The following ELMO1 variants were observed in gnomAD, a reference collection of about 807,000 sequenced individuals.
ELMO1 encodes the protein engulfment and cell motility protein 1.
In ELMO1, 26 loss-of-function variants were observed where a neutral mutation model predicts 98.9. The observed-to-expected ratio is 0.26, with a 90% CI of 0.19 to 0.36. The LOEUF is 0.36. Ranked by LOEUF, ELMO1 falls within the 10% of genes least tolerant of loss-of-function variation. The pLI is 1.00. For missense variants in ELMO1, 627 were observed against 935.2 expected, an observed-to-expected ratio of 0.67 and a Z score of 4.30; for synonymous variants, 346 against 346.0, an observed-to-expected ratio of 1.00 and a Z score of 0.00.
intron 19 of ELMO1, among the ~76,000 whole-genome samples, chr7:36,875,799 TA>T (rs1803912237): frequency 6.6e-6 from 1 of 152,170 alleles, no homozygotes; most frequent in Admixed American, 6.5e-5. Flanking sequence ...GAACTGCCCC[TA>T]CACAAGGCTT....
chr7:37,285,606 T>C (rs1797354161), intron 4 of ELMO1, among the ~76,000 whole-genome samples: 1 of 152,202 alleles, frequency 6.6e-6, no homozygotes, highest in Admixed American at 6.5e-5. Context: ...ATATAATGTG[T>C]GTTCATGCAC....
At chr7:36,895,481 A>C (rs867431225) in intron 16 of ELMO1, among the ~76,000 whole-genome samples, 1 of 151,726 alleles carries the variant, frequency 6.6e-6, no homozygotes, top group African/African-American at 2.4e-5. Flanking sequence ...AGATACTCAC[A>C]CTCCCCTCTC....
intron 14 of ELMO1, among the ~76,000 whole-genome samples, chr7:37,125,155 A>C (rs1234010178): frequency 1.3e-5 from 2 of 152,202 alleles, no homozygotes; most frequent in Admixed American, 6.5e-5. Flanking sequence ...TTAAAGACTT[A>C]AATGTTAGAC....
At chr7:37,300,736 TG>T (rs1309028802) in intron 4 of ELMO1, among the ~76,000 whole-genome samples, 2 of 145,408 alleles carry the variant, frequency 1.4e-5, no homozygotes, top group Non-Finnish European at 3.0e-5. Flanking sequence ...TTCTCTTTTT[TG>T]GTTGTGTCTC....
intron 7 of ELMO1, among the ~76,000 whole-genome samples, chr7:37,238,344 TA>T (rs2130666247): frequency 6.6e-6 from 1 of 152,358 alleles, no homozygotes; most frequent in South Asian, 2.1e-4. Flanking sequence ...GTGGAAATTT[TA>T]AAATGTCATT....
chr7:37,391,046 T>TC (rs1803052310), intron 1 of ELMO1, among the ~76,000 whole-genome samples: 1 of 148,198 alleles, frequency 6.7e-6, no homozygotes. Flanking sequence ...CTTCCTTCCT[T>TC]CCTTCCTTCC....
rs540455769 is a variant in ELMO1 at position 37,030,273 on chromosome 7, C to T, written c.1301-16838G>A. ...TATGTGAAATGCAAGTTGATACTCT[C>T]AGGCATTTTTGTTCCTATTCCTCAC... On this transcript the variant is annotated intron_variant, in intron 15 of 21. Coordinates refer to ENST00000310758, the MANE Select transcript of ELMO1 (RefSeq NM_014800.11). Among the ~76,000 whole-genome samples, 251 of 152,312 alleles carry T rather than the reference C, an allele frequency of 1.6e-3. 1 individual carries two copies. The highest frequency in any genetic ancestry group is 2.8e-3 in the Non-Finnish European group (191 of 68,014).
rs1785536980 is a variant in ELMO1, at chr7:37,115,585, T to C, written c.1191+17545A>G. ...AAAAAAACTCTCAGCAAACTAAGAATAGAGCAGTTCCTCAGCTACATAAAG... is the reference window on the plus strand; with the variant it reads ...AAAAAAACTCTCAGCAAACTAAGAACAGAGCAGTTCCTCAGCTACATAAAG... On this transcript the variant is annotated intron_variant, in intron 14 of 21. Transcript: ENST00000310758. 2.0e-5 allele frequency among the ~76,000 whole-genome samples: 3 copies of C among 152,212 alleles called. No individual in the cohort carries two copies. In the South Asian group the frequency reaches 6.2e-4, roughly 32 times the overall value.
chr7:37,308,474 C>T (rs1452838932), intron 4 of ELMO1, among the ~76,000 whole-genome samples: 1 of 152,222 alleles, frequency 6.6e-6, no homozygotes, highest in East Asian at 1.9e-4. Flanking sequence ...CCCATCTATC[C>T]TCCCTCCTTT....
intron 16 of ELMO1, among the ~76,000 whole-genome samples, chr7:36,988,930 C>A (rs75588582): frequency 6.6e-6 from 1 of 152,172 alleles, no homozygotes; most frequent in Non-Finnish European, 1.5e-5. Context: ...CAACATAACC[C>A]AAGATATATA....
intron 16 of ELMO1, among the ~76,000 whole-genome samples, chr7:36,901,745 G>A (rs1485509268): frequency 6.6e-6 from 1 of 152,094 alleles, no homozygotes; most frequent in African/African-American, 2.4e-5. Flanking sequence ...GTAGAGCATT[G>A]CACCCAATAT....
intron 14 of ELMO1, among the ~76,000 whole-genome samples, chr7:37,099,411 C>A (rs139611569): frequency 3.8e-3 from 584 of 152,314 alleles, no homozygotes; most frequent in Non-Finnish European, 6.5e-3. Flanking sequence ...TTTCAACATT[C>A]TGATATTAAC....
chr7:37,358,789 C>T (rs1335148545), intron 1 of ELMO1, among the ~76,000 whole-genome samples: 3 of 152,058 alleles, frequency 2.0e-5, no homozygotes, highest in South Asian at 4.1e-4. Context: ...GTGTTAAGCC[C>T]GGGCACAAGC....
At chr7:36,930,923 C>A (rs969912905) in intron 16 of ELMO1, among the ~76,000 whole-genome samples, 1 of 152,188 alleles carries the variant, frequency 6.6e-6, no homozygotes, top group South Asian at 2.1e-4. Context: ...TGAGAACATG[C>A]GCACCTTCAG....
At chr7:36,912,099 TC>T (rs2129067130) in intron 16 of ELMO1, among the ~76,000 whole-genome samples, 1 of 152,336 alleles carries the variant, frequency 6.6e-6, no homozygotes, top group Non-Finnish European at 1.5e-5. Flanking sequence ...TCCAAGTTGT[TC>T]AGACATATAG....
intron 9 of ELMO1, among the ~76,000 whole-genome samples, chr7:37,223,114 T>G (rs529967885): frequency 3.9e-5 from 6 of 152,244 alleles, no homozygotes; most frequent in African/African-American, 1.4e-4. Flanking sequence ...CTCCACATTC[T>G]TGGGCTAATT....
chr7:37,341,920 T>C (rs1257233619), intron 2 of ELMO1, among the ~76,000 whole-genome samples: 1 of 152,184 alleles, frequency 6.6e-6, no homozygotes, highest in Non-Finnish European at 1.5e-5. Flanking sequence ...AAAGTAACCA[T>C]TCTGAGATAA....
intron 13 of ELMO1, among the ~76,000 whole-genome samples, chr7:37,150,940 G>A (rs371721454): frequency 3.3e-5 from 5 of 152,268 alleles, no homozygotes; most frequent in South Asian, 2.1e-4. Flanking sequence ...TCTCATCCTC[G>A]ACCCTGCTCA....
chr7:36,888,546 C>T (rs769822734), intron 17 of ELMO1, among the ~76,000 whole-genome samples: 3 of 152,180 alleles, frequency 2.0e-5, no homozygotes, highest in South Asian at 2.1e-4. Flanking sequence ...GCTCTGCTCA[C>T]GACTAGCATT....
Sources: gnomAD v4.1 joint callset for allele counts (sites outside exome capture counted in the v4.1 genomes callset) on GRCh38, gnomAD v4.1.1 for gene constraint, MANE v1.5 for transcripts, NCBI Gene and HGNC (gene_info 2026-07-23, HGNC 2026-07-21) for gene names.